The following RBFOX1 variants were observed in gnomAD, a reference collection of about 807,000 sequenced individuals.
RBFOX1 encodes the protein RNA binding protein fox-1 homolog 1.
A neutral mutation model predicts 57.7 loss-of-function variants in RBFOX1; 8 were observed. That is an observed-to-expected ratio of 0.14 (90% CI 0.08 to 0.25). The LOEUF is 0.25. RBFOX1 is among the 10% of genes least tolerant of loss of function. The pLI is 1.00. For missense variants in RBFOX1, 611 were observed against 548.5 expected (o/e 1.11, Z -1.14); for synonymous variants, 326 against 222.4 (o/e 1.47, Z -4.15).
chr16:6,307,155 G>GC (rs2079607441), intron 1 of RBFOX1, among the ~76,000 whole-genome samples: 1 of 152,102 alleles, frequency 6.6e-6, no homozygotes, highest in Non-Finnish European at 1.5e-5. Context: ...ATTCGTAAAC[G>GC]CCCCCCTAGG....
chr16:6,552,506 C>G lies in RBFOX1; in HGVS notation c.-63-102097C>G, dbSNP rs540335169. On this transcript the variant is annotated intron_variant, in intron 2 of 15. Coordinates refer to ENST00000550418, the MANE Select transcript of RBFOX1 (RefSeq NM_018723.4). ...ACCTGCAAAGTATTCAGATGTTTGC[C>G]TGGTCTATGGTAATTGCCGAATAAA... is the stretch of plus-strand genomic sequence containing the variant. Among the ~76,000 whole-genome samples, 16 of 152,264 alleles carry G rather than the reference C, an allele frequency of 1.1e-4. No individual in the cohort carries two copies. In the South Asian group the frequency reaches 2.9e-3, roughly 28 times the overall value.
intron 1 of RBFOX1, among the ~76,000 whole-genome samples, chr16:6,313,131 A>T (rs765015920): frequency 6.6e-6 from 1 of 152,138 alleles, no homozygotes; most frequent in Non-Finnish European, 1.5e-5. Context: ...GGTGAGGAGT[A>T]AAGTGTGGTC....
At chr16:6,056,352 A>G (rs2095614474) in intron 1 of RBFOX1, among the ~76,000 whole-genome samples, 1 of 152,214 alleles carries the variant, frequency 6.6e-6, no homozygotes, top group African/African-American at 2.4e-5. Context: ...ATGAGTTTGA[A>G]TGAACTGATG....
intron 1 of RBFOX1, among the ~76,000 whole-genome samples, chr16:5,374,647 C>G (rs985805803): frequency 1.3e-5 from 2 of 150,564 alleles, no homozygotes; most frequent in Admixed American, 1.3e-4. Flanking sequence ...AGAGGGGAGT[C>G]TTTGAACATG....
Position 6,103,467 on chromosome 16 carries a change from G to C in RBFOX1, c.-127+83475G>C, listed in dbSNP as rs142233484. Reference sequence around the variant, plus strand: ...ATTACTGTTGTTGTCAGTCAGGCTAGGTTGATGCTGTAACAAACATCCCCC... The same window carrying C: ...ATTACTGTTGTTGTCAGTCAGGCTACGTTGATGCTGTAACAAACATCCCCC... On this transcript the variant is annotated intron_variant, in intron 1 of 15. Transcript: ENST00000550418. Among the ~76,000 whole-genome samples, 874 of 152,186 alleles carry C rather than the reference G, an allele frequency of 5.7e-3. 5 individuals are homozygous for C. Among genetic ancestry groups the C allele is most frequent in the Middle Eastern group, 0.017 (5 of 294 alleles).
At chr16:6,894,161 T>C (rs1259432706) in intron 3 of RBFOX1, among the ~76,000 whole-genome samples, 1 of 152,226 alleles carries the variant, frequency 6.6e-6, no homozygotes, top group Non-Finnish European at 1.5e-5. Context: ...TTGCTACCTA[T>C]CTCTTGTCTG....
intron 1 of RBFOX1, among the ~76,000 whole-genome samples, chr16:5,258,512 TA>T (rs2062647285): frequency 6.6e-6 from 1 of 152,210 alleles, no homozygotes; most frequent in African/African-American, 2.4e-5. Flanking sequence ...CCTCAAAATG[TA>T]AATTGTGATT....
chr16:7,145,839 C>T (rs906243852), intron 4 of RBFOX1, among the ~76,000 whole-genome samples: 7 of 152,170 alleles, frequency 4.6e-5, no homozygotes, highest in African/African-American at 1.2e-4. Context: ...TCCATGGCTC[C>T]TCCATATGGC....
At chr16:7,343,530 C>T (rs745973127) in intron 4 of RBFOX1, among the ~76,000 whole-genome samples, 8 of 152,136 alleles carry the variant, frequency 5.3e-5, no homozygotes, top group Non-Finnish European at 8.8e-5. Flanking sequence ...TTCATACTTC[C>T]GTCATATTCT....
At chr16:6,690,566 C>CTAA (rs35119387) in intron 3 of RBFOX1, among the ~76,000 whole-genome samples, 149,277 of 152,126 alleles carry the variant, frequency 0.98, 73,302 homozygotes, top group Middle Eastern at 1. Context: ...CAAAACTATA[C>CTAA]TGAGATGCAG....
At chr16:5,617,732 C>T (rs891701694) in intron 3 of RBFOX1, among the ~76,000 whole-genome samples, 6 of 152,156 alleles carry the variant, frequency 3.9e-5, no homozygotes, top group African/African-American at 1.2e-4. Context: ...TCTCCATATT[C>T]CTAAGCTAAT....
At chr16:5,855,654 A>T (rs1445339235) in intron 3 of RBFOX1, among the ~76,000 whole-genome samples, 2 of 152,124 alleles carry the variant, frequency 1.3e-5, no homozygotes, top group African/African-American at 2.4e-5. Context: ...ATCAGAACAT[A>T]TGTGATGCCT....
At chr16:6,664,347 A>G (rs1328553466) in intron 3 of RBFOX1, among the ~76,000 whole-genome samples, 4 of 152,286 alleles carry the variant, frequency 2.6e-5, no homozygotes, top group African/African-American at 9.6e-5. Context: ...ATGCATAGCC[A>G]CTAGCCAGCC....
intron 4 of RBFOX1, among the ~76,000 whole-genome samples, chr16:5,877,521 A>G (rs1053572129): frequency 6.6e-6 from 1 of 152,238 alleles, no homozygotes; most frequent in Non-Finnish European, 1.5e-5. Flanking sequence ...CACTTGATGC[A>G]GGGCAGGCGA....
intron 3 of RBFOX1, among the ~76,000 whole-genome samples, chr16:5,650,407 A>G (rs774110647): frequency 5.3e-5 from 8 of 152,172 alleles, no homozygotes; most frequent in Non-Finnish European, 1.2e-4. Context: ...GGCATCCTGC[A>G]AGTGGTGCGG....
intron 14 of RBFOX1, among the ~76,000 whole-genome samples, chr16:7,702,925 C>A (rs929642504): frequency 6.6e-6 from 1 of 152,182 alleles, no homozygotes; most frequent in African/African-American, 2.4e-5. Flanking sequence ...GGATGAGAAT[C>A]ACTTCTTCCT....
chr16:5,494,413 G>A (rs1042161835), intron 2 of RBFOX1, among the ~76,000 whole-genome samples: 2 of 152,226 alleles, frequency 1.3e-5, no homozygotes, highest in African/African-American at 4.8e-5. Flanking sequence ...GATGCATCAT[G>A]GCTTTCTTTT....
At chr16:5,983,289 T>C (rs535183565) in intron 4 of RBFOX1, among the ~76,000 whole-genome samples, 3 of 152,110 alleles carry the variant, frequency 2.0e-5, no homozygotes, top group Non-Finnish European at 4.4e-5. Flanking sequence ...GGCACTTGAG[T>C]CGTTTTAAAA....
chr16:6,869,329 G>C (rs1043121649), intron 3 of RBFOX1, among the ~76,000 whole-genome samples: 1 of 152,110 alleles, frequency 6.6e-6, no homozygotes, highest in Admixed American at 6.5e-5. Flanking sequence ...TGAAGAAATG[G>C]GCTCAGAGGG....
Sources: allele counts gnomAD v4.1 joint callset (sites outside exome capture counted in the v4.1 genomes callset), GRCh38; gene constraint gnomAD v4.1.1; transcripts MANE v1.5; gene names NCBI Gene and HGNC (gene_info 2026-07-23, HGNC 2026-07-21).